Variants in LHFPL6 observed in about 807,000 individuals in gnomAD.
The protein encoded by LHFPL6 is LHFPL tetraspan subfamily member 6 protein.
A neutral mutation model predicts 20.6 loss-of-function variants in LHFPL6; 9 were observed. The ratio of observed to expected loss-of-function variants is 0.44; its 90% CI spans 0.26 to 0.76. LHFPL6 has a LOEUF of 0.76. Among genes scored for constraint, LHFPL6 ranks in the 30% least tolerant of loss-of-function variants. The pLI is 0.20. For synonymous variants in LHFPL6, 105 were observed against 98.7 expected (o/e 1.06, Z -0.38); for missense variants, 218 against 253.5 (o/e 0.86, Z 0.95).
At chr13:39,480,742 T>G (rs974384344) in intron 2 of LHFPL6, among the ~76,000 whole-genome samples, 6 of 152,172 alleles carry the variant, frequency 3.9e-5, no homozygotes, top group Non-Finnish European at 8.8e-5. Context: ...TATACCATAA[T>G]TTTTACCATG....
intron 2 of LHFPL6, among the ~76,000 whole-genome samples, chr13:39,581,928 G>A (rs1872299246): frequency 6.6e-6 from 1 of 152,184 alleles, no homozygotes; most frequent in Non-Finnish European, 1.5e-5. Flanking sequence ...GTGTTTTTAA[G>A]AGTAAATGAA....
At chr13:39,421,510 C>A (rs767482177) in intron 2 of LHFPL6, among the ~76,000 whole-genome samples, 1 of 152,118 alleles carries the variant, frequency 6.6e-6, no homozygotes, top group Non-Finnish European at 1.5e-5. Flanking sequence ...GGGTGGATGA[C>A]AGTCTACTGT....
At chr13:39,478,311 G>C (rs1030818007) in intron 2 of LHFPL6, among the ~76,000 whole-genome samples, 3 of 152,060 alleles carry the variant, frequency 2.0e-5, no homozygotes, top group Non-Finnish European at 2.9e-5. Flanking sequence ...GTCTCTGTGG[G>C]TTGCCAGGCA....
intron 2 of LHFPL6, among the ~76,000 whole-genome samples, chr13:39,525,895 A>G (rs1870271493): frequency 6.6e-6 from 1 of 151,604 alleles, no homozygotes; most frequent in South Asian, 2.1e-4. Context: ...CCTAAAACTC[A>G]GTGGACAAAC....
At chr13:39,421,709 C>G (rs187183895) in intron 2 of LHFPL6, among the ~76,000 whole-genome samples, 1 of 152,122 alleles carries the variant, frequency 6.6e-6, no homozygotes, top group East Asian at 1.9e-4. Context: ...CAGCTGTCAT[C>G]TGTTTCTACT....
At chr13:39,556,626 T>C (rs753909390) in intron 2 of LHFPL6, among the ~76,000 whole-genome samples, 4 of 152,120 alleles carry the variant, frequency 2.6e-5, no homozygotes, top group Admixed American at 2.0e-4. Flanking sequence ...TATAATCAGA[T>C]AACGGGACCA....
intron 2 of LHFPL6, among the ~76,000 whole-genome samples, chr13:39,544,659 TA>T (rs921175894): frequency 2.4e-4 from 37 of 151,478 alleles, no homozygotes; most frequent in African/African-American, 8.6e-4. Flanking sequence ...TCTTTCCTTA[TA>T]AAGTAAGAAA....
chr13:39,448,788 G>A (rs1872362588), intron 2 of LHFPL6, among the ~76,000 whole-genome samples: 1 of 152,182 alleles, frequency 6.6e-6, no homozygotes, highest in African/African-American at 2.4e-5. Flanking sequence ...CCTGTAACAG[G>A]AACCATTTAC....
intron 2 of LHFPL6, among the ~76,000 whole-genome samples, chr13:39,495,779 A>ATTT (rs10558170): frequency 1.7e-4 from 15 of 89,538 alleles, no homozygotes; most frequent in East Asian, 8.5e-4. Flanking sequence ...TAACTCAATA[A>ATTT]TTTTTTTTTT....
At chr13:39,419,920 C>A (rs1272667877) in intron 2 of LHFPL6, among the ~76,000 whole-genome samples, 1 of 152,098 alleles carries the variant, frequency 6.6e-6, no homozygotes, top group Non-Finnish European at 1.5e-5. Context: ...ATACATATTT[C>A]TTTTACAGAA....
intron 2 of LHFPL6, among the ~76,000 whole-genome samples, chr13:39,557,843 TTGA>T (rs1168586039): frequency 6.6e-6 from 1 of 152,184 alleles, no homozygotes; most frequent in African/African-American, 2.4e-5. Context: ...CCCCAACCCC[TTGA>T]TGATGAGTGA....
At chr13:39,392,753 C>A (rs1440080211) in intron 2 of LHFPL6, among the ~76,000 whole-genome samples, 1 of 151,762 alleles carries the variant, frequency 6.6e-6, no homozygotes, top group Non-Finnish European at 1.5e-5. Flanking sequence ...CAGTTGTATA[C>A]CCAGGAATCA....
At chr13:39,426,392 G>A (rs1188633203) in intron 2 of LHFPL6, among the ~76,000 whole-genome samples, 1 of 151,790 alleles carries the variant, frequency 6.6e-6, no homozygotes, top group Non-Finnish European at 1.5e-5. Context: ...GGCTAATTTT[G>A]TACTTTTAGT....
chr13:39,389,070 A>G (rs1274263348), intron 2 of LHFPL6, among the ~76,000 whole-genome samples: 1 of 152,220 alleles, frequency 6.6e-6, no homozygotes, highest in Non-Finnish European at 1.5e-5. Flanking sequence ...GACTCCTGCA[A>G]TACACTATCT....
chr13:39,592,844 G>A (rs1872652860), intron 2 of LHFPL6, among the ~76,000 whole-genome samples: 1 of 152,096 alleles, frequency 6.6e-6, no homozygotes, highest in South Asian at 2.1e-4. Flanking sequence ...ACGTAATCCA[G>A]CATATAAACA....
At chr13:39,384,808 C>A (rs1472172786) in intron 2 of LHFPL6, among the ~76,000 whole-genome samples, 1 of 152,094 alleles carries the variant, frequency 6.6e-6, no homozygotes, top group Non-Finnish European at 1.5e-5. Context: ...TACCACATGG[C>A]CTTAATTTCA....
intron 2 of LHFPL6, among the ~76,000 whole-genome samples, chr13:39,399,903 G>C (rs1200565146): frequency 6.6e-6 from 1 of 152,112 alleles, no homozygotes; most frequent in Non-Finnish European, 1.5e-5. Context: ...AGGCCAGCCT[G>C]ACCAATATGG....
At chr13:39,533,749 T>C (rs55783364) in intron 2 of LHFPL6, among the ~76,000 whole-genome samples, 30,780 of 152,138 alleles carry the variant, frequency 0.2, 3,547 homozygotes, top group South Asian at 0.36. Flanking sequence ...CACGTGGTCT[T>C]CCATATTTCC....
At chr13:39,422,517 C>T (rs1320864042) in intron 2 of LHFPL6, among the ~76,000 whole-genome samples, 3 of 145,868 alleles carry the variant, frequency 2.1e-5, no homozygotes, top group South Asian at 2.2e-4. Flanking sequence ...ACCTAGGAGG[C>T]GGCAGTTGCA....
Sources: gnomAD v4.1 joint callset for allele counts (sites outside exome capture counted in the v4.1 genomes callset) on GRCh38, gnomAD v4.1.1 for gene constraint, MANE v1.5 for transcripts, NCBI Gene and HGNC (gene_info 2026-07-23, HGNC 2026-07-21) for gene names.